The following CDCA2 variants were observed in gnomAD, a reference collection of about 807,000 sequenced individuals.
CDCA2 encodes the protein cell division cycle-associated protein 2.
In CDCA2, 44 loss-of-function variants were observed where a neutral mutation model predicts 67.0. The observed-to-expected ratio is 0.66, with a 90% confidence interval of 0.52 to 0.84. CDCA2 has a LOEUF of 0.84. Ranked by LOEUF, CDCA2 falls within the 40% of genes least tolerant of loss-of-function variation. CDCA2 has a pLI of 0.00. For synonymous variants in CDCA2, 447 were observed against 418.7 expected (o/e 1.07, Z -0.82); for missense variants, 1,253 against 1,203.2 (o/e 1.04, Z -0.61).
rs1168429269 is a variant in CDCA2, at chr8:25,496,697, A to C, written c.1672-6676A>C. Among the ~76,000 whole-genome samples the C allele has an allele frequency of 2.0e-4, 31 of 152,254 alleles. No homozygotes were observed. In the East Asian group the frequency reaches 6.0e-3, roughly 29 times the overall value. ...CATCACTAATCATCAGGGAAATGCA[A>C]ATTAAAACCACAATGAGATATCACT... On this transcript the variant is annotated intron_variant, in intron 13 of 14. Transcript: ENST00000330560.
chr8:25,489,277 C>T (rs1371145863), intron 13 of CDCA2, among the ~76,000 whole-genome samples: 1 of 152,196 alleles, frequency 6.6e-6, no homozygotes, highest in African/African-American at 2.4e-5. Context: ...CAACTTGTTA[C>T]TGCCCGTGTA....
intron 4 of CDCA2, among the ~76,000 whole-genome samples, chr8:25,464,293 G>T (rs1357539809): frequency 6.6e-6 from 1 of 152,210 alleles, no homozygotes; most frequent in Non-Finnish European, 1.5e-5. Context: ...GCACATGCCT[G>T]TAGTCCAAGC....
intron 13 of CDCA2, among the ~76,000 whole-genome samples, chr8:25,497,553 CAGG>C (rs1188806536): frequency 6.7e-5 from 9 of 134,298 alleles, no homozygotes; most frequent in Non-Finnish European, 1.4e-4. Context: ...TGGTGGTTGT[CAGG>C]GGGGCTAGTG....
At chr8:25,463,087 G>T (rs1802765513) in intron 4 of CDCA2, among the ~76,000 whole-genome samples, 1 of 151,900 alleles carries the variant, frequency 6.6e-6, no homozygotes, top group Admixed American at 6.6e-5. Context: ...ATGAGGTGAG[G>T]CACTACTACC....
chr8:25,486,530 C>T (rs746104117), intron 11 of CDCA2, among the ~76,000 whole-genome samples: 8 of 151,872 alleles, frequency 5.3e-5, no homozygotes, highest in African/African-American at 1.7e-4. Context: ...CTGCCAGGTG[C>T]GGTGGCTCAT....
Position 25,484,062 on chromosome 8 carries a change from A to C in CDCA2, c.1217A>C (p.Glu406Ala). Residue 406 changes from glutamate (E) to alanine (A), a missense_variant, in exon 10 of 15, where the codon GAA (glutamate) becomes GCA (alanine). Glu to Ala is a moderately radical substitution (Grantham distance 107, BLOSUM62 -1). Transcript: ENST00000330560. ...GEDLSPEVFD[E>A]SLPANTPLRK... ...GACTTAAGCCCGGAAGTGTTTGATGAATCTTTGCCAGCAAATACTCCATTG... is the reference window on the plus strand; with the variant it reads ...GACTTAAGCCCGGAAGTGTTTGATGCATCTTTGCCAGCAAATACTCCATTG... The C allele has an allele frequency of 6.2e-7, 1 of 1,614,226 alleles. No individual in the cohort carries two copies. Among genetic ancestry groups the C allele is most frequent in the South Asian group, 1.1e-5 (1 of 91,090 alleles).
Position 25,488,614 on chromosome 8 carries a change from TAAAGA to T in CDCA2, c.1605_1609del (p.Lys535AsnfsTer2). On this transcript the variant is annotated frameshift_variant, in exon 13 of 15. Transcript: ENST00000330560. LOFTEE classifies it high-confidence loss of function. The stretch of plus-strand genomic sequence containing the variant: ...TATTGAATACAGAAGTTCAGCCTTG[TAAAGA>T]AAAGAAAATTAATAGGAGGAAGTCT... The T allele has an allele frequency of 6.2e-7, 1 of 1,613,212 alleles. No homozygotes were observed. Among genetic ancestry groups the T allele is most frequent in the Non-Finnish European group, 8.5e-7 (1 of 1,179,686 alleles).
At chr8:25,491,994 C>T (rs1246809963) in intron 13 of CDCA2, among the ~76,000 whole-genome samples, 1 of 148,376 alleles carries the variant, frequency 6.7e-6, no homozygotes, top group Admixed American at 6.7e-5. Context: ...GACGGGGTTT[C>T]ACTATGTTAG....
intron 13 of CDCA2, among the ~76,000 whole-genome samples, chr8:25,490,899 T>A (rs932233088): frequency 6.6e-6 from 1 of 152,062 alleles, no homozygotes; most frequent in South Asian, 2.1e-4. Flanking sequence ...ACTTACCCAA[T>A]CTTAAATAAG....
intron 5 of CDCA2, among the ~76,000 whole-genome samples, chr8:25,467,943 C>T (rs937073612): frequency 4.6e-5 from 7 of 151,672 alleles, no homozygotes; most frequent in South Asian, 2.1e-4. Context: ...CGTGGTGAAA[C>T]CCCATCTCTA....
chr8:25,467,492 T>C (rs1001160527), intron 5 of CDCA2, among the ~76,000 whole-genome samples: 20 of 152,010 alleles, frequency 1.3e-4, no homozygotes, highest in African/African-American at 4.6e-4. Context: ...AGACAGTTCC[T>C]TTTTTTTAGC....
intron 13 of CDCA2, among the ~76,000 whole-genome samples, chr8:25,496,505 C>T (rs2117540689): frequency 6.6e-6 from 1 of 152,124 alleles, no homozygotes; most frequent in South Asian, 2.1e-4. Context: ...GAAAGAAACA[C>T]CGTATAGAAT....
chr8:25,461,902 A>T, intron 3 of CDCA2, 152 bp from the exon 4 acceptor site: 1 of 675,524 alleles, frequency 1.5e-6, no homozygotes, highest in Non-Finnish European at 2.5e-6. Flanking sequence ...CACTGATTGT[A>T]TATGAATGAC....
chr8:25,465,334 A>G (rs780654077), intron 4 of CDCA2, among the ~76,000 whole-genome samples: 17 of 151,996 alleles, frequency 1.1e-4, no homozygotes, highest in Admixed American at 5.9e-4. Flanking sequence ...CATTGGTATA[A>G]TTTTTAAACA....
At chr8:25,463,363 C>T (rs908366107) in intron 4 of CDCA2, among the ~76,000 whole-genome samples, 1 of 151,952 alleles carries the variant, frequency 6.6e-6, no homozygotes. Flanking sequence ...ATAATGGAGC[C>T]GAAAAATTTC....
intron 11 of CDCA2, among the ~76,000 whole-genome samples, chr8:25,486,968 C>A (rs1288803428): frequency 6.6e-6 from 1 of 151,958 alleles, no homozygotes; most frequent in Non-Finnish European, 1.5e-5. Context: ...AAAATACATG[C>A]ATTTATTGTA....
intron 4 of CDCA2, among the ~76,000 whole-genome samples, chr8:25,465,565 T>C (rs1392310855): frequency 6.6e-6 from 1 of 152,182 alleles, no homozygotes; most frequent in Non-Finnish European, 1.5e-5. Context: ...GCTTCTGTGC[T>C]TATACCATCA....
chr8:25,501,003 A>C (rs953907687), intron 13 of CDCA2, among the ~76,000 whole-genome samples: 1 of 152,186 alleles, frequency 6.6e-6, no homozygotes, highest in Non-Finnish European at 1.5e-5. Flanking sequence ...GCCCCAAGTT[A>C]AGATTTTTCT....
chr8:25,461,929 C>T, intron 3 of CDCA2, 125 bp from the exon 4 acceptor site: 1 of 865,920 alleles, frequency 1.2e-6, no homozygotes. Flanking sequence ...AGTAACTCTC[C>T]ACTGAGTTTT....
Sources: allele counts gnomAD v4.1 joint callset (sites outside exome capture counted in the v4.1 genomes callset), GRCh38; gene constraint gnomAD v4.1.1; transcripts MANE v1.5; gene names NCBI Gene and HGNC (gene_info 2026-07-23, HGNC 2026-07-21).